SLIT3: variants seen among roughly 807,000 people sequenced by gnomAD.
SLIT3 encodes slit guidance ligand 3.
SLIT3 carries 68 observed loss-of-function variants against 184.0 expected under a neutral mutation model. That is an observed-to-expected ratio of 0.37 (90% CI 0.30 to 0.45). SLIT3 has a LOEUF of 0.45. Among genes scored for constraint, SLIT3 ranks in the 20% least tolerant of loss-of-function variants. SLIT3 has a pLI of 1.00. For synonymous variants in SLIT3, 831 were observed against 828.6 expected (o/e 1.00, Z -0.05); for missense variants, 1,707 against 2,026.0 (o/e 0.84, Z 3.02).
intron 4 of SLIT3, among the ~76,000 whole-genome samples, chr5:169,052,416 G>C (rs1410286035): frequency 1.3e-5 from 2 of 152,162 alleles, no homozygotes; most frequent in African/African-American, 4.8e-5. Flanking sequence ...GATATTTGTG[G>C]CAAGAGTCAG....
chr5:168,770,222 G>A (rs1396930468), intron 14 of SLIT3, among the ~76,000 whole-genome samples: 6 of 152,170 alleles, frequency 3.9e-5, no homozygotes, highest in South Asian at 2.1e-4. Flanking sequence ...CCAAGGCGGC[G>A]GATGCAGCTG....
intron 4 of SLIT3, among the ~76,000 whole-genome samples, chr5:169,113,658 C>CT (rs869209479): frequency 0.09 from 11,858 of 131,260 alleles, 1,035 homozygotes; most frequent in East Asian, 0.35. Context: ...TTTTCTTTTT[C>CT]TTTTTTTTTT....
intron 20 of SLIT3, among the ~76,000 whole-genome samples, chr5:168,743,698 G>A (rs146333160): frequency 1.1e-3 from 161 of 152,266 alleles, no homozygotes; most frequent in Admixed American, 8.9e-3. Context: ...AAACGAAGAC[G>A]GATCAAAGCT....
intron 4 of SLIT3, among the ~76,000 whole-genome samples, chr5:169,078,555 T>C (rs966070602): frequency 6.6e-6 from 1 of 152,200 alleles, no homozygotes; most frequent in Non-Finnish European, 1.5e-5. Flanking sequence ...CCAACTTCAC[T>C]CATTTCCTTG....
intron 4 of SLIT3, among the ~76,000 whole-genome samples, chr5:169,094,872 G>A (rs1759720897): frequency 6.6e-6 from 1 of 152,186 alleles, no homozygotes; most frequent in Admixed American, 6.5e-5. Flanking sequence ...GAAGAGCTGA[G>A]TGGCTGTGAC....
chr5:168,961,900 GA>G (rs1375100521), intron 4 of SLIT3, among the ~76,000 whole-genome samples: 2 of 152,038 alleles, frequency 1.3e-5, no homozygotes, highest in Non-Finnish European at 1.5e-5. Flanking sequence ...GTGAAAGACA[GA>G]GAATTGGTCA....
In SLIT3 at chr5:169,088,395, CG is replaced by C. The variant is rs1247153255; in HGVS notation, c.413+105083del. Among the ~76,000 whole-genome samples the C allele has an allele frequency of 1.8e-4, 27 of 148,538 alleles. 1 individual carries two copies. Among genetic ancestry groups the C allele is most frequent in the African/African-American group, 6.5e-4 (26 of 39,886 alleles). On this transcript the variant is annotated intron_variant, in intron 4 of 35. Transcript: ENST00000519560. ...CTCCCCTGTCAAAGTTCTTTTTCTT[CG>C]ATTTTTTTTTTTTTTTTTGCCACAA...
intron 4 of SLIT3, among the ~76,000 whole-genome samples, chr5:169,100,585 T>G (rs760972624): frequency 6.6e-6 from 1 of 152,162 alleles, no homozygotes; most frequent in Admixed American, 6.5e-5. Flanking sequence ...TGCTAAGTCA[T>G]TCCTTCAGAT....
chr5:168,849,662 C>T (rs187340075), intron 5 of SLIT3, among the ~76,000 whole-genome samples: 1 of 152,276 alleles, frequency 6.6e-6, no homozygotes, highest in African/African-American at 2.4e-5. Flanking sequence ...AAGAAAGTTG[C>T]CACCTCTGGT....
At chr5:169,269,733 G>A (rs899423431) in intron 1 of SLIT3, among the ~76,000 whole-genome samples, 9 of 152,248 alleles carry the variant, frequency 5.9e-5, no homozygotes, top group Admixed American at 1.3e-4. Context: ...GAATTAGGGA[G>A]GGAGAAGGGC....
intron 9 of SLIT3, among the ~76,000 whole-genome samples, chr5:168,802,671 G>A (rs372322434): frequency 1.1e-4 from 17 of 152,234 alleles, no homozygotes; most frequent in East Asian, 9.6e-4. Context: ...CTATGTTTAC[G>A]GAGGGATCTT....
intron 9 of SLIT3, among the ~76,000 whole-genome samples, chr5:168,798,859 G>A (rs1370535292): frequency 6.6e-6 from 1 of 152,028 alleles, no homozygotes; most frequent in East Asian, 1.9e-4. Flanking sequence ...GATCTTATTA[G>A]TTATTACCAC....
chr5:169,119,313 A>G (rs1760798503), intron 4 of SLIT3, among the ~76,000 whole-genome samples: 1 of 152,142 alleles, frequency 6.6e-6, no homozygotes, highest in Non-Finnish European at 1.5e-5. Context: ...AGGAAGGAGC[A>G]CCCCCTAGAA....
intron 4 of SLIT3, among the ~76,000 whole-genome samples, chr5:168,884,410 G>GTC (rs200163535): frequency 4.0e-4 from 22 of 54,410 alleles, no homozygotes; most frequent in Middle Eastern, 0.024. Flanking sequence ...TATAAAAGGT[G>GTC]TCTCTCTCTC....
chr5:168,963,998 C>T (rs950881769), intron 4 of SLIT3, among the ~76,000 whole-genome samples: 7 of 152,126 alleles, frequency 4.6e-5, no homozygotes, highest in South Asian at 2.1e-4. Context: ...TATGAGGCCA[C>T]GAGGAGTTGT....
Position 168,746,442 on chromosome 5 carries a change from G to C in SLIT3, c.2270+1860C>G, listed in dbSNP as rs545015505. 2.1e-3 allele frequency among the ~76,000 whole-genome samples: 253 copies of C among 120,818 alleles called. 6 individuals are homozygous for C. Among genetic ancestry groups the C allele is most frequent in the African/African-American group, 6.9e-3 (215 of 31,016 alleles). 79.3% of individuals were successfully genotyped at this position (120,818 alleles called of 152,430 possible). ...TGAGTGTGGTGGTGTGTGGTGGTGT[G>C]GGTGTGGCAGTGTGTGGTGGTGTGC... On this transcript the variant is annotated intron_variant, in intron 20 of 35. Coordinates refer to ENST00000519560, the MANE Select transcript of SLIT3 (RefSeq NM_003062.4).
chr5:169,204,720 C>A (rs1764012470), intron 3 of SLIT3, among the ~76,000 whole-genome samples: 1 of 152,116 alleles, frequency 6.6e-6, no homozygotes, highest in South Asian at 2.1e-4. Flanking sequence ...TGTGGAGGGT[C>A]TCTTCTGACC....
chr5:168,876,084 G>T (rs1250686854), intron 5 of SLIT3, among the ~76,000 whole-genome samples: 1 of 152,096 alleles, frequency 6.6e-6, no homozygotes, highest in African/African-American at 2.4e-5. Context: ...CTCTTCCTGC[G>T]TCAGAGCCGG....
intron 4 of SLIT3, among the ~76,000 whole-genome samples, chr5:169,069,326 G>T (rs1199743930): frequency 6.6e-6 from 1 of 152,194 alleles, no homozygotes; most frequent in African/African-American, 2.4e-5. Flanking sequence ...ACATGCACAC[G>T]ACAGGTGAAA....
Sources: allele counts gnomAD v4.1 joint callset (sites outside exome capture counted in the v4.1 genomes callset), GRCh38; gene constraint gnomAD v4.1.1; transcripts MANE v1.5; gene names NCBI Gene and HGNC (gene_info 2026-07-23, HGNC 2026-07-21).